NIPAL2: variants seen among roughly 807,000 people sequenced by gnomAD.
The protein encoded by NIPAL2 is NIPA-like protein 2.
A neutral mutation model predicts 48.9 loss-of-function variants in NIPAL2; 43 were observed. The ratio of observed to expected loss-of-function variants is 0.88; its 90% CI spans 0.69 to 1.13. The LOEUF is 1.13. NIPAL2 is among the 50% of genes most tolerant of loss of function. The pLI is 0.00. For missense variants in NIPAL2, 446 were observed against 461.4 expected (o/e 0.97, Z 0.31); for synonymous variants, 167 against 174.6 (o/e 0.96, Z 0.34).
At chr8:98,219,121 A>C (rs1811719292) in intron 5 of NIPAL2, among the ~76,000 whole-genome samples, 1 of 152,138 alleles carries the variant, frequency 6.6e-6, no homozygotes. Flanking sequence ...GGAGGCTGAC[A>C]TGGAAGAGAA....
At chr8:98,220,218 G>T (rs1811784805) in intron 5 of NIPAL2, among the ~76,000 whole-genome samples, 2 of 152,124 alleles carry the variant, frequency 1.3e-5, no homozygotes, top group South Asian at 4.1e-4. Flanking sequence ...ACTAGGAACT[G>T]CTTCGGTCCT....
rs371936351 is a variant in NIPAL2, at chr8:98,224,755, C to CTTTTTTTTT, written c.437-2164_437-2156dup. On this transcript the variant is annotated intron_variant, in intron 4 of 10. Coordinates refer to ENST00000430223, the MANE Select transcript of NIPAL2 (RefSeq NM_001321635.2). ...CAGTTATACTTTCTTTCTTTCTTTT[C>CTTTTTTTTT]TTTTTTTTTTTTTTTTTTGTTGAAA... Among the ~76,000 whole-genome samples the CTTTTTTTTT allele has an allele frequency of 7.6e-4, 94 of 123,738 alleles. 1 individual carries two copies. The highest frequency in any genetic ancestry group is 5.4e-3 in the Middle Eastern group (1 of 184). 81.2% of individuals were successfully genotyped at this position (123,738 alleles called of 152,430 possible).
At chr8:98,230,408 G>T (rs890967968) in intron 4 of NIPAL2, among the ~76,000 whole-genome samples, 5 of 152,146 alleles carry the variant, frequency 3.3e-5, no homozygotes, top group Admixed American at 2.0e-4. Flanking sequence ...CACCAAAAAA[G>T]GTCCCAAGGC....
Position 98,224,755 on chromosome 8 carries a change from C to CTTTTTT in NIPAL2, c.437-2161_437-2156dup, listed in dbSNP as rs371936351. On this transcript the variant is annotated intron_variant, in intron 4 of 10. Coordinates refer to ENST00000430223, the MANE Select transcript of NIPAL2 (RefSeq NM_001321635.2). ...CAGTTATACTTTCTTTCTTTCTTTT[C>CTTTTTT]TTTTTTTTTTTTTTTTTTGTTGAAA... Among the ~76,000 whole-genome samples the CTTTTTT allele has an allele frequency of 2.5e-3, 304 of 123,718 alleles. 2 individuals carry two copies. Among genetic ancestry groups the CTTTTTT allele is most frequent in the Middle Eastern group, 5.5e-3 (1 of 182 alleles). The allele number at this position is 123,718 out of a possible 152,430, so 81.2% of individuals were successfully genotyped here.
At chr8:98,211,577 C>CCA (rs1371637644) in intron 6 of NIPAL2, among the ~76,000 whole-genome samples, 1 of 152,168 alleles carries the variant, frequency 6.6e-6, no homozygotes, top group African/African-American at 2.4e-5. Context: ...GTACAGCCTT[C>CCA]CAAGTCATGG....
At chr8:98,272,737 C>T (rs1815213537) in intron 1 of NIPAL2, among the ~76,000 whole-genome samples, 1 of 151,818 alleles carries the variant, frequency 6.6e-6, no homozygotes, top group African/African-American at 2.4e-5. Flanking sequence ...GTCTCAGGCT[C>T]CCGAGTAACT....
chr8:98,244,553 GGCTGTGATAAGGGGGGTGC>G (rs1226398812), intron 3 of NIPAL2, among the ~76,000 whole-genome samples: 7 of 83,034 alleles, frequency 8.4e-5, no homozygotes, highest in Non-Finnish European at 2.2e-4. Context: ...TGAGAGGGTG[GGCTGTGATAAGGGGGGTGC>G]GCTGTGGTGA....
Position 98,254,102 on chromosome 8 carries a change from G to A in NIPAL2, c.136-15C>T. 1 of 1,598,042 alleles carries A rather than the reference G, an allele frequency of 6.3e-7. No homozygotes were observed. Among genetic ancestry groups the A allele is most frequent in the South Asian group, 1.1e-5 (1 of 89,996 alleles). On this transcript the variant is annotated splice_polypyrimidine_tract_variant and intron_variant, in intron 1 of 10. Transcript: ENST00000430223. The stretch of plus-strand genomic sequence containing the variant: ...AAAAGGTGAATCTGTAAAAGAAAAT[G>A]TTTTCCTTAAATAATACTTGTAAGA...
intron 1 of NIPAL2, among the ~76,000 whole-genome samples, chr8:98,283,887 T>G (rs1353117100): frequency 6.6e-6 from 1 of 152,188 alleles, no homozygotes; most frequent in Non-Finnish European, 1.5e-5. Flanking sequence ...ATGTTGCCAC[T>G]CACTCACTGA....
chr8:98,210,853 C>A (rs770496355), intron 6 of NIPAL2, among the ~76,000 whole-genome samples: 77 of 152,114 alleles, frequency 5.1e-4, no homozygotes, highest in Admixed American at 1.0e-3. Flanking sequence ...AATATCATGA[C>A]CTCCTGCTTT....
chr8:98,257,351 T>C (rs111294799), intron 1 of NIPAL2, among the ~76,000 whole-genome samples: 144 of 19,472 alleles, frequency 7.4e-3, no homozygotes, highest in Non-Finnish European at 0.01. Flanking sequence ...TTCTTTCTTT[T>C]TTTTTTTTTT....
chr8:98,263,155 AAAT>A (rs1406930224), intron 1 of NIPAL2, among the ~76,000 whole-genome samples: 1 of 133,044 alleles, frequency 7.5e-6, no homozygotes, highest in African/African-American at 2.9e-5. Flanking sequence ...TTATAGCACT[AAAT>A]GCCCACAAGA....
chr8:98,237,222 T>C (rs113193559), intron 3 of NIPAL2, among the ~76,000 whole-genome samples: 1 of 151,852 alleles, frequency 6.6e-6, no homozygotes, highest in Non-Finnish European at 1.5e-5. Flanking sequence ...TAATTAAAAA[T>C]TTTTTTATTT....
chr8:98,206,367 T>C (rs1230676548), intron 6 of NIPAL2, among the ~76,000 whole-genome samples: 1 of 150,806 alleles, frequency 6.6e-6, no homozygotes, highest in Non-Finnish European at 1.5e-5. Context: ...ATATATATAT[T>C]TAAAACAGCA....
intron 6 of NIPAL2, among the ~76,000 whole-genome samples, chr8:98,211,244 T>C (rs1209729088): frequency 6.6e-6 from 1 of 152,226 alleles, no homozygotes; most frequent in Admixed American, 6.5e-5. Flanking sequence ...CTGCTATGCA[T>C]TATCTTAATT....
chr8:98,274,693 T>C (rs1243558752), intron 1 of NIPAL2, among the ~76,000 whole-genome samples: 1 of 152,054 alleles, frequency 6.6e-6, no homozygotes, highest in Non-Finnish European at 1.5e-5. Flanking sequence ...CTCTTATATA[T>C]AGAAAATAAC....
In NIPAL2 at chr8:98,275,091, C is replaced by G. The variant is rs531167216; in HGVS notation, c.135+18912G>C. On this transcript the variant is annotated intron_variant, in intron 1 of 10. Transcript: ENST00000430223. ...CCCTAAATGTTAACATCTTACACAA[C>G]TACAGTAAAATATCAAAACCAAGAA... Among the ~76,000 whole-genome samples the G allele has an allele frequency of 3.2e-3, 488 of 152,186 alleles. 1 individual carries two copies. Among genetic ancestry groups the G allele is most frequent in the African/African-American group, 0.011 (455 of 41,544 alleles).
chr8:98,256,446 A>G (rs1281691447), intron 1 of NIPAL2, among the ~76,000 whole-genome samples: 1 of 152,224 alleles, frequency 6.6e-6, no homozygotes, highest in African/African-American at 2.4e-5. Context: ...AAGAATGCCT[A>G]CAATTCAACA....
rs377237049 is a variant in NIPAL2 at position 98,238,852 on chromosome 8, A to G, written c.377-2638T>C. The stretch of plus-strand genomic sequence containing the variant: ...AGTAAGAAATGAATTTGGGATAGGT[A>G]TGAAAATGTATGCAAATTTTCTATT... On this transcript the variant is annotated intron_variant, in intron 3 of 10. Coordinates refer to ENST00000430223, the MANE Select transcript of NIPAL2 (RefSeq NM_001321635.2). 8.5e-5 allele frequency among the ~76,000 whole-genome samples: 13 copies of G among 152,340 alleles called. No homozygotes were observed. The South Asian group carries it at 1.9e-3, about 22-fold the overall frequency.
Sources: gnomAD v4.1 joint callset for allele counts (sites outside exome capture counted in the v4.1 genomes callset) on GRCh38, gnomAD v4.1.1 for gene constraint, MANE v1.5 for transcripts, NCBI Gene and HGNC (gene_info 2026-07-23, HGNC 2026-07-21) for gene names.